MCUR1: variants seen among roughly 807,000 people sequenced by gnomAD.
MCUR1 encodes MCU regulator 1.
MCUR1 carries 37 observed loss-of-function variants against 42.0 expected under a neutral mutation model. The observed-to-expected ratio is 0.88, with a 90% CI of 0.68 to 1.16. The LOEUF (loss-of-function observed/expected upper bound fraction) is 1.16, where lower values mean the gene tolerates loss of function less well. Among genes scored for constraint, MCUR1 ranks in the 50% most tolerant of loss-of-function variants. MCUR1 has a pLI of 0.00. For missense variants in MCUR1, 469 were observed against 468.4 expected (o/e 1.00, Z -0.01); for synonymous variants, 229 against 196.2 (o/e 1.17, Z -1.40).
At chr6:13,805,221 G>T (rs1760090494) in intron 2 of MCUR1, among the ~76,000 whole-genome samples, 1 of 151,724 alleles carries the variant, frequency 6.6e-6, no homozygotes, top group Admixed American at 6.6e-5. Flanking sequence ...TGAACTCCTG[G>T]GTTCAAGCCA....
intron 1 of MCUR1, among the ~76,000 whole-genome samples, chr6:13,811,332 C>G (rs919320231): frequency 2.6e-5 from 4 of 152,054 alleles, no homozygotes; most frequent in Non-Finnish European, 5.9e-5. Flanking sequence ...ATACAGCAGG[C>G]TAGGAATAAT....
At chr6:13,792,144 C>A in intron 7 of MCUR1, 152 bp from the exon 8 acceptor site, 1 of 646,680 alleles carries the variant, frequency 1.5e-6, no homozygotes, top group Admixed American at 3.0e-5. Flanking sequence ...AACCCTAATT[C>A]TACGCTGCAT....
intron 1 of MCUR1, among the ~76,000 whole-genome samples, chr6:13,808,972 G>C (rs892358696): frequency 6.6e-6 from 1 of 152,028 alleles, no homozygotes; most frequent in Non-Finnish European, 1.5e-5. Flanking sequence ...ACAGGGTCTC[G>C]CTCTATTGCC....
chr6:13,789,002 T>TA lies in MCUR1; in HGVS notation c.*1806_*1807insT, dbSNP rs1759665111. 1 of 152,178 alleles carries TA rather than the reference T, an allele frequency of 6.6e-6. No homozygotes were observed. Among genetic ancestry groups the TA allele is most frequent in the Admixed American group, 6.5e-5 (1 of 15,282 alleles). 9.4% of individuals were successfully genotyped at this position (152,178 alleles called of 1,614,324 possible). On this transcript the variant is annotated 3_prime_UTR_variant, in exon 9 of 9. Transcript: ENST00000379170. ...ACGAGCAATGTATTCACCAAACTGA[T>TA]CAAAAAATCTGCCTGTGGTTCCTTC... is the stretch of plus-strand genomic sequence containing the variant.
intron 2 of MCUR1, among the ~76,000 whole-genome samples, chr6:13,805,134 C>A (rs1760088835): frequency 2.0e-5 from 3 of 151,786 alleles, no homozygotes; most frequent in African/African-American, 7.3e-5. Flanking sequence ...ATCAAGAAAA[C>A]TAGGAAGACT....
chr6:13,792,883 A>T (rs1759762517), intron 7 of MCUR1, among the ~76,000 whole-genome samples: 1 of 152,178 alleles, frequency 6.6e-6, no homozygotes, highest in Non-Finnish European at 1.5e-5. Context: ...AGTATGGAAA[A>T]GGAGAAATGT....
intron 2 of MCUR1, chr6:13,804,273 A>G (rs949802617): frequency 1.1e-5 from 2 of 176,370 alleles, no homozygotes; most frequent in Admixed American, 5.8e-5. Flanking sequence ...CAGTAGGCCA[A>G]GACTGTGCCA....
At chr6:13,798,777 G>C in intron 6 of MCUR1, 56 bp downstream of exon 6, 2 of 1,362,688 alleles carry the variant, frequency 1.5e-6, no homozygotes, top group Non-Finnish European at 2.1e-6. Flanking sequence ...GCTTAACCAA[G>C]CATTCCATTC....
Sources: gnomAD v4.1 joint callset for allele counts (sites outside exome capture counted in the v4.1 genomes callset) on GRCh38, gnomAD v4.1.1 for gene constraint, MANE v1.5 for transcripts, NCBI Gene and HGNC (gene_info 2026-07-23, HGNC 2026-07-21) for gene names.